CEBPZ: variants seen among roughly 807,000 people sequenced by gnomAD.
CEBPZ encodes the protein CCAAT/enhancer-binding protein zeta.
A neutral mutation model predicts 104.5 loss-of-function variants in CEBPZ; 78 were observed. The ratio of observed to expected loss-of-function variants is 0.75; its 90% CI spans 0.62 to 0.90. CEBPZ has a LOEUF of 0.90. CEBPZ is among the 40% of genes least tolerant of loss of function. The probability of loss-of-function intolerance (pLI) is 0.00; values close to 1 mark genes in which losing one functional copy is unlikely to be tolerated. For missense variants in CEBPZ, 1,439 were observed against 1,233.5 expected, an observed-to-expected ratio of 1.17 and a Z score of -2.50; for synonymous variants, 470 against 427.0, an observed-to-expected ratio of 1.10 and a Z score of -1.24.
chr2:37,201,881 C>T lies in CEBPZ; in HGVS notation c.3048G>A (p.Glu1016=), dbSNP rs200577959. 60 of 1,613,730 alleles carry T rather than the reference C, an allele frequency of 3.7e-5. No individual in the cohort carries two copies. In the Middle Eastern group the frequency reaches 1.8e-3, roughly 49 times the overall value. ...TGTGTAGCCAGTCATCACGTTCAGC[C>T]TCCCATCTAAGCTGTTTGAGACCTT... is the stretch of plus-strand genomic sequence containing the variant. ...DNASLKQLRW[E]AERDDWLHNR... The change falls in exon 16 of 16, where the codon GAG becomes GAA. Residue 1016 remains glutamate, a synonymous_variant. Transcript: ENST00000234170.
chr2:37,215,978 A>G, intron 8 of CEBPZ, 162 bp downstream of exon 8: 1 of 497,552 alleles, frequency 2.0e-6, no homozygotes, highest in East Asian at 3.4e-5. Flanking sequence ...AGGCCCAGTC[A>G]GATACAGTAG....
At chr2:37,215,772 A>G (rs984464412) in intron 8 of CEBPZ, among the ~76,000 whole-genome samples, 1 of 152,196 alleles carries the variant, frequency 6.6e-6, no homozygotes. Flanking sequence ...AGCTGATATT[A>G]GAGAGCTTTA....
intron 5 of CEBPZ, 46 bp from the exon 6 acceptor site, chr2:37,217,083 CTT>C: frequency 6.7e-7 from 1 of 1,487,948 alleles, no homozygotes; most frequent in Non-Finnish European, 9.4e-7. Flanking sequence ...AAGGTCGACT[CTT>C]AGTACATTTA....
At chr2:37,230,714 T>C (rs1665049525) in intron 1 of CEBPZ, among the ~76,000 whole-genome samples, 1 of 152,180 alleles carries the variant, frequency 6.6e-6, no homozygotes, top group African/African-American at 2.4e-5. Context: ...TCACTCTGCC[T>C]CTGCTACACT....
intron 13 of CEBPZ, among the ~76,000 whole-genome samples, chr2:37,207,888 C>T (rs1242523432): frequency 2.6e-5 from 4 of 151,842 alleles, no homozygotes; most frequent in Non-Finnish European, 4.4e-5. Context: ...TAAAGAAAAT[C>T]GGTAGACCAT....
At chr2:37,208,528 T>C (rs1677613463) in intron 13 of CEBPZ, among the ~76,000 whole-genome samples, 1 of 151,876 alleles carries the variant, frequency 6.6e-6, no homozygotes, top group African/African-American at 2.4e-5. Context: ...ACATAAACAA[T>C]TAAAAACAAA....
At chr2:37,226,771 A>G (rs2148362358) in intron 2 of CEBPZ, among the ~76,000 whole-genome samples, 1 of 152,324 alleles carries the variant, frequency 6.6e-6, no homozygotes, top group African/African-American at 2.4e-5. Flanking sequence ...AGAAGGAAAT[A>G]TATTAATTTC....
At chr2:37,221,995 A>G (rs1553351465) in intron 4 of CEBPZ, among the ~76,000 whole-genome samples, 1 of 152,218 alleles carries the variant, frequency 6.6e-6, no homozygotes, top group Non-Finnish European at 1.5e-5. Flanking sequence ...TACTTTAAGA[A>G]ACTGTGGGCC....
intron 11 of CEBPZ, 100 bp downstream of exon 11, chr2:37,212,235 C>CA: frequency 8.8e-7 from 1 of 1,137,002 alleles, no homozygotes; most frequent in East Asian, 2.3e-5. Context: ...TACTTGACTA[C>CA]ATTTCCCCTT....
chr2:37,225,148 G>A (rs985374464), intron 2 of CEBPZ, among the ~76,000 whole-genome samples: 3 of 152,158 alleles, frequency 2.0e-5, no homozygotes, highest in Non-Finnish European at 4.4e-5. Flanking sequence ...ACAGTGTTAA[G>A]TTATCTATTA....
In CEBPZ at chr2:37,231,450, AC is replaced by A. The variant is rs771070456; in HGVS notation, c.117del (p.Phe40SerfsTer28). 1 of 1,614,068 alleles carries A rather than the reference AC, an allele frequency of 6.2e-7. No homozygotes were observed. Among genetic ancestry groups the A allele is most frequent in the South Asian group, 1.1e-5 (1 of 91,070 alleles). ...DEDNTSEAEN[G>X]FSLEEVLRLG... Reference sequence around the variant, plus strand: ...AGCCGTAACACTTCCTCCAGGGAGAACCCATTCTCGGCTTCACTAGTATTAT... The same window carrying A: ...AGCCGTAACACTTCCTCCAGGGAGAACCATTCTCGGCTTCACTAGTATTAT... On this transcript the variant is annotated frameshift_variant, in exon 1 of 16. Transcript: ENST00000234170. LOFTEE classifies it high-confidence loss of function.
At position 37,219,866 on chromosome 2, in the gene CEBPZ, T is replaced by G. The variant is rs561516557; in HGVS notation, c.2154+519A>C. 2.0e-5 allele frequency among the ~76,000 whole-genome samples: 3 copies of G among 152,202 alleles called. No individual in the cohort carries two copies. In the East Asian group the frequency reaches 5.8e-4, roughly 29 times the overall value. On this transcript the variant is annotated intron_variant, in intron 5 of 15. Transcript: ENST00000234170. ...TACAAAAAGCAACAGTCATAACCCA[T>G]GCATGACATCCTTATTTTACGTGCA... is the stretch of plus-strand genomic sequence containing the variant.
chr2:37,207,068 A>T (rs185965535), intron 13 of CEBPZ, among the ~76,000 whole-genome samples: 4 of 152,340 alleles, frequency 2.6e-5, no homozygotes, highest in Admixed American at 6.5e-5. Context: ...GGGACATTAC[A>T]TACTAGTAAA....
chr2:37,212,004 TTA>T lies in CEBPZ; in HGVS notation c.2637_2638del (p.Asp879GlufsTer5). 6.2e-7 allele frequency: 1 copy of T among 1,603,748 alleles called. No homozygotes were observed. The highest frequency in any genetic ancestry group is 1.7e-4 in the Middle Eastern group (1 of 6,006). On this transcript the variant is annotated frameshift_variant, in exon 12 of 16. Transcript: ENST00000234170. LOFTEE classifies it high-confidence loss of function. ...ACCTTCTGAATCTTCATCTAATGTG[TTA>T]TCCTTAGCTCCTTTTGTTCTCTTTT...
At chr2:37,223,476 G>C in intron 2 of CEBPZ, 75 bp from the exon 3 acceptor site, 1 of 1,245,124 alleles carries the variant, frequency 8.0e-7, no homozygotes, top group Non-Finnish European at 1.1e-6. Context: ...ATTAGAAATA[G>C]CTACTAACCT....
intron 12 of CEBPZ, 152 bp from the exon 13 acceptor site, chr2:37,211,234 G>A: frequency 2.1e-6 from 1 of 466,246 alleles, no homozygotes. Flanking sequence ...TAGGCTTGAG[G>A]ACAGACTGAG....
At chr2:37,225,094 C>G (rs182591216) in intron 2 of CEBPZ, among the ~76,000 whole-genome samples, 2 of 152,108 alleles carry the variant, frequency 1.3e-5, no homozygotes, top group Non-Finnish European at 2.9e-5. Flanking sequence ...AACTCAAGAT[C>G]CCGAAACCTC....
At chr2:37,213,516 A>G (rs1677791804) in intron 10 of CEBPZ, 1 of 171,522 alleles carries the variant, frequency 5.8e-6, no homozygotes, top group Non-Finnish European at 1.2e-5. Context: ...GATTCAAGCG[A>G]TTCTCGTGCC....
At chr2:37,207,162 A>G (rs1677566577) in intron 13 of CEBPZ, among the ~76,000 whole-genome samples, 1 of 152,204 alleles carries the variant, frequency 6.6e-6, no homozygotes, top group Admixed American at 6.5e-5. Context: ...AACCATTACT[A>G]CTAGACCTAA....
Sources: allele counts gnomAD v4.1 joint callset (sites outside exome capture counted in the v4.1 genomes callset), GRCh38; gene constraint gnomAD v4.1.1; transcripts MANE v1.5; gene names NCBI Gene and HGNC (gene_info 2026-07-23, HGNC 2026-07-21).